UBE2D3: variants seen among roughly 807,000 people sequenced by gnomAD.
UBE2D3 encodes ubiquitin conjugating enzyme E2 D3, also known as ubiquitin-conjugating enzyme E2 D3.
In UBE2D3, 2 loss-of-function variants were observed where a neutral mutation model predicts 22.8. The ratio of observed to expected loss-of-function variants is 0.09; its 90% CI spans 0.04 to 0.28. The LOEUF is 0.28. UBE2D3 is among the 10% of genes least tolerant of loss of function. The pLI is 1.00. For synonymous variants in UBE2D3, 56 were observed against 60.4 expected, an observed-to-expected ratio of 0.93 and a Z score of 0.34; for missense variants, 27 against 182.5, an observed-to-expected ratio of 0.15 and a Z score of 4.91.
rs2110238080 is a variant in UBE2D3 at position 102,797,231 on chromosome 4, AAAGCTGG to A, written c.*177_*183del. The A allele has an allele frequency of 2.0e-6, 1 of 496,150 alleles. No homozygotes were observed. Among genetic ancestry groups the A allele is most frequent in the Non-Finnish European group, 3.6e-6 (1 of 278,396 alleles). The allele number at this position is 496,150 out of a possible 1,614,324, so 30.7% of individuals were successfully genotyped here. ...CAGTTTCTAAAAGCAGTTATTGTCCAAAGCTGGAAGAACTTAAGTCTTCTCAGATGAG... is the reference window on the plus strand; with the variant it reads ...CAGTTTCTAAAAGCAGTTATTGTCCAAAGAACTTAAGTCTTCTCAGATGAG... On this transcript the variant is annotated 3_prime_UTR_variant, in exon 8 of 8. Transcript: ENST00000453744.
Position 102,796,396 on chromosome 4 carries a change from A to G in UBE2D3, c.*1019T>C, listed in dbSNP as rs1316936493. On this transcript the variant is annotated 3_prime_UTR_variant, in exon 8 of 8. Transcript: ENST00000453744. The stretch of plus-strand genomic sequence containing the variant: ...CAAATAGCTTATTAATTCTGCATAA[A>G]TCAGGTCAAGCAATGTGTCAACCTG... 2.6e-5 allele frequency: 4 copies of G among 152,510 alleles called. No individual in the cohort carries two copies. Among genetic ancestry groups the G allele is most frequent in the Admixed American group, 6.6e-5 (1 of 15,244 alleles). 9.4% of individuals were successfully genotyped at this position (152,510 alleles called of 1,614,324 possible).
At chr4:102,863,972 C>CTA in intron 1 of UBE2D3, among the ~76,000 whole-genome samples, 1 of 151,522 alleles carries the variant, frequency 6.6e-6, no homozygotes, top group Non-Finnish European at 1.5e-5. Context: ...TAGATCTAGA[C>CTA]CAACCACTGT....
chr4:102,822,127 G>C (rs1729718315), intron 2 of UBE2D3, among the ~76,000 whole-genome samples: 1 of 152,220 alleles, frequency 6.6e-6, no homozygotes, highest in African/African-American at 2.4e-5. Flanking sequence ...GTTCATCCCA[G>C]TGATGGAGCA....
At chr4:102,807,269 T>C (rs1462436574) in intron 4 of UBE2D3, among the ~76,000 whole-genome samples, 2 of 152,210 alleles carry the variant, frequency 1.3e-5, no homozygotes, top group East Asian at 1.9e-4. Flanking sequence ...ATTTATCTTA[T>C]ACAGTGATGC....
In UBE2D3 at chr4:102,795,196, C is replaced by CA. The variant is rs1179053963; in HGVS notation, c.*2218dup. On this transcript the variant is annotated 3_prime_UTR_variant, in exon 8 of 8. Transcript: ENST00000453744. ...AAAGATACAGAGAACTGGACACATC[C>CA]ACTAATTGTTATGACAATCAAAGAA... 1 of 151,926 alleles carries CA rather than the reference C, an allele frequency of 6.6e-6. No homozygotes were observed. The highest frequency in any genetic ancestry group is 2.4e-5 in the African/African-American group (1 of 41,414). The allele number at this position is 151,926 out of a possible 1,614,324, so 9.4% of individuals were successfully genotyped here. A position where few individuals can be genotyped will look rare whatever the true frequency, so the allele number is the denominator to read the frequency against.
intron 4 of UBE2D3, chr4:102,809,150 A>G: frequency 6.1e-6 from 2 of 328,620 alleles, no homozygotes; most frequent in South Asian, 2.3e-5. Context: ...TCCAGCATAT[A>G]GTTGCTTATC....
At chr4:102,808,494 A>G (rs1021700648) in intron 4 of UBE2D3, among the ~76,000 whole-genome samples, 1 of 152,198 alleles carries the variant, frequency 6.6e-6, no homozygotes, top group Non-Finnish European at 1.5e-5. Context: ...ATTAAACTTA[A>G]TATTTGCACC....
At chr4:102,846,809 A>C (rs1315100140) in intron 1 of UBE2D3, among the ~76,000 whole-genome samples, 1 of 149,696 alleles carries the variant, frequency 6.7e-6, no homozygotes. Context: ...ATGGCTAATT[A>C]AATTTTTTTT....
chr4:102,821,573 T>G (rs1340195370), intron 2 of UBE2D3, among the ~76,000 whole-genome samples: 2 of 151,372 alleles, frequency 1.3e-5, no homozygotes, highest in African/African-American at 4.9e-5. Flanking sequence ...CCAGGGAAAA[T>G]GATTTAGTAA....
At chr4:102,826,378 C>A in intron 2 of UBE2D3, 107 bp downstream of exon 2, 1 of 1,387,940 alleles carries the variant, frequency 7.2e-7, no homozygotes, top group Non-Finnish European at 1.0e-6. Flanking sequence ...AAGAAGTGAT[C>A]CAAGAGGTAT....
chr4:102,816,908 G>A (rs1343887088), intron 2 of UBE2D3, among the ~76,000 whole-genome samples: 2 of 152,082 alleles, frequency 1.3e-5, no homozygotes, highest in African/African-American at 4.8e-5. Context: ...CTAACAGAAA[G>A]CAGGTGCAAG....
upstream of UBE2D3, among the ~76,000 whole-genome samples, chr4:102,828,762 C>T (rs1215632774): frequency 6.6e-6 from 1 of 152,108 alleles, no homozygotes; most frequent in Non-Finnish European, 1.5e-5. Flanking sequence ...GTGGGATTTA[C>T]CTCAGTAGGA....
At chr4:102,867,268 ATTCC>A (rs1270080110) in intron 1 of UBE2D3, among the ~76,000 whole-genome samples, 1 of 152,216 alleles carries the variant, frequency 6.6e-6, no homozygotes, top group African/African-American at 2.4e-5. Context: ...GCTTTAAAAA[ATTCC>A]TTCCTTTTCT....
At chr4:102,822,795 G>A (rs1336129825) in intron 2 of UBE2D3, among the ~76,000 whole-genome samples, 1 of 35,786 alleles carries the variant, frequency 2.8e-5, no homozygotes, top group African/African-American at 3.7e-4. Context: ...AATTAGCCGG[G>A]GGTGGTGGTG....
intron 2 of UBE2D3, chr4:102,811,850 T>C (rs1050042207): frequency 2.5e-6 from 1 of 404,696 alleles, no homozygotes. Flanking sequence ...GACCCCATTC[T>C]CCATAAAAAG....
intron 2 of UBE2D3, among the ~76,000 whole-genome samples, chr4:102,822,294 T>A (rs1302607687): frequency 1.3e-5 from 2 of 152,206 alleles, no homozygotes; most frequent in Non-Finnish European, 2.9e-5. Flanking sequence ...ACAACTATCC[T>A]ACACAGAAAG....
chr4:102,797,732 T>C (rs928698504), intron 7 of UBE2D3, among the ~76,000 whole-genome samples: 2 of 151,978 alleles, frequency 1.3e-5, no homozygotes, highest in Non-Finnish European at 2.9e-5. Flanking sequence ...AAAGACCCTT[T>C]CTTTCTCTAC....
Position 102,860,395 on chromosome 4 carries a change from T to G in UBE2D3, c.-129+8320A>C, listed in dbSNP as rs1230125655. Among the ~76,000 whole-genome samples, 4 of 145,610 alleles carry G rather than the reference T, an allele frequency of 2.7e-5. No homozygotes were observed. In the Admixed American group the frequency reaches 2.8e-4, roughly 10 times the overall value. On this transcript the variant is annotated intron_variant, in intron 1 of 7. Transcript: ENST00000338145. ...CTTTAATTTATTCCTTTGGTTGTCA[T>G]GTTTTCCTGGTGTGTGTGTGTGTGT...
chr4:102,849,599 G>T (rs1162649849), intron 1 of UBE2D3, among the ~76,000 whole-genome samples: 1 of 152,072 alleles, frequency 6.6e-6, no homozygotes, highest in Non-Finnish European at 1.5e-5. Context: ...AGGCACTACA[G>T]AAAAGATCTC....
Sources: allele counts gnomAD v4.1 joint callset (sites outside exome capture counted in the v4.1 genomes callset), GRCh38; gene constraint gnomAD v4.1.1; transcripts MANE v1.5; gene names NCBI Gene and HGNC (gene_info 2026-07-23, HGNC 2026-07-21).